The following WNK2 variants were observed in gnomAD, a reference collection of about 807,000 sequenced individuals.
WNK2 encodes the protein serine/threonine-protein kinase WNK2.
WNK2 carries 67 observed loss-of-function variants against 192.1 expected under a neutral mutation model. That is an observed-to-expected ratio of 0.35 (90% CI 0.29 to 0.43). The LOEUF is 0.43. WNK2 is among the 20% of genes least tolerant of loss of function. The pLI is 1.00. For missense variants in WNK2, 2,698 were observed against 3,089.7 expected (o/e 0.87, Z 3.01); for synonymous variants, 1,439 against 1,393.9 (o/e 1.03, Z -0.72).
At chr9:93,219,176 G>A (rs530988649) in intron 2 of WNK2, among the ~76,000 whole-genome samples, 2 of 152,392 alleles carry the variant, frequency 1.3e-5, no homozygotes, top group South Asian at 2.1e-4. Flanking sequence ...CAGGTGCCTT[G>A]GCACGAGGTG....
intron 5 of WNK2, among the ~76,000 whole-genome samples, chr9:93,235,852 T>C (rs1233232048): frequency 1.3e-5 from 2 of 152,230 alleles, no homozygotes; most frequent in Non-Finnish European, 2.9e-5. Context: ...GCTGTGGTCC[T>C]CAGCAGCTGC....
At chr9:93,304,660 TG>T (rs774392155) in intron 26 of WNK2, among the ~76,000 whole-genome samples, 5 of 152,330 alleles carry the variant, frequency 3.3e-5, no homozygotes, top group Admixed American at 6.5e-5. Flanking sequence ...GGGCTGTCTT[TG>T]GGTGCCATCT....
chr9:93,188,269 G>A (rs548913868), intron 2 of WNK2, among the ~76,000 whole-genome samples: 115 of 152,286 alleles, frequency 7.6e-4, no homozygotes, highest in African/African-American at 2.6e-3. Flanking sequence ...ACTGAGAGGC[G>A]CCAGTGGGGC....
At position 93,268,730 on chromosome 9, in the gene WNK2, G is replaced by T. The variant is rs757437306; in HGVS notation, c.4017G>T (p.Pro1339=). 3 of 1,612,198 alleles carry T rather than the reference G, an allele frequency of 1.9e-6. No homozygotes were observed. Among genetic ancestry groups the T allele is most frequent in the East Asian group, 2.2e-5 (1 of 44,800 alleles). ...CCCCACTTCCTCTAAGCTCCCTGCC[G>T]CCAGAAGCCAGCCAAGGTATGAGCA... ...SSPPLPLSSL[P]PEASQDSAPY... is the part of the protein sequence containing the mutation. Residue 1339 remains proline (P), a synonymous_variant, in exon 19 of 30, where the codon CCG becomes CCT. Transcript: ENST00000427277.
At chr9:93,290,266 A>C (rs908829857) in intron 21 of WNK2, among the ~76,000 whole-genome samples, 3 of 151,924 alleles carry the variant, frequency 2.0e-5, no homozygotes, top group Admixed American at 2.0e-4. Flanking sequence ...CCTCTGGCCC[A>C]TGAGCTGCAT....
chr9:93,185,281 C>G lies in WNK2; in HGVS notation c.352C>G (p.Pro118Ala). The G allele has an allele frequency of 1.5e-6, 2 of 1,365,028 alleles. No individual in the cohort carries two copies. Among genetic ancestry groups the G allele is most frequent in the South Asian group, 1.7e-5 (1 of 58,712 alleles). 84.6% of individuals were successfully genotyped at this position (1,365,028 alleles called of 1,614,324 possible). ...AGCCCCCGCGGACGCCGGCCCCGAG[C>G]CCGTGGGCACGCAGGAGCCCGGCCC... Reference protein sequence around the residue: ...PGAPADAGPEPVGTQEPGPDP... With the variant: ...PGAPADAGPEAVGTQEPGPDP... Residue 118 changes from proline (P) to alanine (A), a missense_variant, in exon 2 of 30, where the codon CCC becomes GCC. Coordinates refer to ENST00000427277, the MANE Select transcript of WNK2 (RefSeq NM_006648.4).
intron 14 of WNK2, among the ~76,000 whole-genome samples, chr9:93,262,955 C>G (rs1167444816): frequency 6.6e-6 from 1 of 152,214 alleles, no homozygotes; most frequent in Non-Finnish European, 1.5e-5. Flanking sequence ...GGTCTCTGCT[C>G]TGGTTTGCAG....
chr9:93,270,037 TCTCC>T (rs1845799262), intron 19 of WNK2, among the ~76,000 whole-genome samples: 1 of 152,180 alleles, frequency 6.6e-6, no homozygotes, highest in Non-Finnish European at 1.5e-5. Context: ...CCAGGGAGCA[TCTCC>T]CATTCCTGCA....
chr9:93,293,401 C>G (rs1849698658), intron 23 of WNK2, among the ~76,000 whole-genome samples: 1 of 151,324 alleles, frequency 6.6e-6, no homozygotes, highest in Non-Finnish European at 1.5e-5. Context: ...CTCGCTGCAA[C>G]CTCCACCTCC....
chr9:93,263,817 G>C, intron 15 of WNK2, 83 bp downstream of exon 15: 1 of 506,518 alleles, frequency 2.0e-6, no homozygotes, highest in Non-Finnish European at 3.4e-6. Context: ...TGGCGGGGGT[G>C]TGGTGGGGGT....
rs1256087176 is a variant in WNK2, at chr9:93,292,535, C to T, written c.5070C>T (p.Asp1690=). Residue 1690 remains aspartate, a synonymous_variant, in exon 23 of 30, where the codon GAC becomes GAT. Coordinates refer to ENST00000427277, the MANE Select transcript of WNK2 (RefSeq NM_006648.4). ...FVRPARVEPT[D]RDGGEAGESS... is the part of the protein sequence containing the mutation. ...GACCTGCACGTGTGGAGCCCACAGACAGGGATGGTGGAGAAGCTGGAGAAA... is the reference window on the plus strand; with the variant it reads ...GACCTGCACGTGTGGAGCCCACAGATAGGGATGGTGGAGAAGCTGGAGAAA... 1.3e-6 allele frequency: 2 copies of T among 1,579,190 alleles called. No homozygotes were observed. Among genetic ancestry groups the T allele is most frequent in the Non-Finnish European group, 1.7e-6 (2 of 1,160,358 alleles).
intron 19 of WNK2, among the ~76,000 whole-genome samples, chr9:93,275,667 C>T (rs1846745605): frequency 6.6e-6 from 1 of 152,176 alleles, no homozygotes; most frequent in Non-Finnish European, 1.5e-5. Context: ...ATAAAACTAT[C>T]TTATTTGCAG....
chr9:93,311,921 C>A (rs370686908), intron 28 of WNK2, among the ~76,000 whole-genome samples: 1 of 152,106 alleles, frequency 6.6e-6, no homozygotes. Flanking sequence ...TGCGCCACCG[C>A]GTTCAGCCAT....
At chr9:93,213,840 A>G (rs1835224523) in intron 2 of WNK2, among the ~76,000 whole-genome samples, 2 of 152,348 alleles carry the variant, frequency 1.3e-5, no homozygotes, top group African/African-American at 4.8e-5. Flanking sequence ...TGGAGATTAC[A>G]ACATGTATCC....
intron 29 of WNK2, chr9:93,319,180 G>T (rs1250838670): frequency 1.2e-6 from 2 of 1,613,540 alleles, no homozygotes; most frequent in Non-Finnish European, 1.7e-6. Context: ...TATATCTGAA[G>T]GAGAAAAATA....
intron 7 of WNK2, among the ~76,000 whole-genome samples, chr9:93,242,302 G>A (rs1588131115): frequency 6.6e-6 from 1 of 152,222 alleles, no homozygotes; most frequent in Non-Finnish European, 1.5e-5. Context: ...CATCTGGCTT[G>A]TCTCTGCTCA....
At chr9:93,272,860 C>G (rs571776415) in intron 19 of WNK2, among the ~76,000 whole-genome samples, 27 of 151,764 alleles carry the variant, frequency 1.8e-4, no homozygotes, top group Admixed American at 3.3e-4. Context: ...AGACCTTAAT[C>G]TAAGCATACT....
chr9:93,211,961 TTCAC>T (rs1466176689), intron 2 of WNK2, among the ~76,000 whole-genome samples: 8 of 151,718 alleles, frequency 5.3e-5, no homozygotes, highest in Non-Finnish European at 1.0e-4. Flanking sequence ...CACTCATACA[TTCAC>T]TCACTCACTC....
At chr9:93,263,756 G>A (rs1844679287) in intron 15 of WNK2, 22 bp downstream of exon 15, 2 of 1,358,238 alleles carry the variant, frequency 1.5e-6, no homozygotes, top group African/African-American at 3.1e-5. Context: ...GGGCGTGGCG[G>A]GGGTGTGGTG....
Sources: gnomAD v4.1 joint callset for allele counts (sites outside exome capture counted in the v4.1 genomes callset) on GRCh38, gnomAD v4.1.1 for gene constraint, MANE v1.5 for transcripts, NCBI Gene and HGNC (gene_info 2026-07-23, HGNC 2026-07-21) for gene names.